Variants in GLT8D2 observed in about 807,000 individuals in gnomAD.
GLT8D2 encodes the protein glycosyltransferase 8 domain containing 2, also known as glycosyltransferase 8 domain-containing protein 2.
Under a neutral mutation model 44.5 loss-of-function variants are expected in GLT8D2, and 45 were observed. That is an observed-to-expected ratio of 1.01 (90% confidence interval 0.80 to 1.30). The LOEUF (loss-of-function observed/expected upper bound fraction) is 1.30. Among genes scored for constraint, GLT8D2 ranks in the 50% most tolerant of loss-of-function variants. The probability of loss-of-function intolerance (pLI) is 0.00; values close to 1 mark genes in which losing one functional copy is unlikely to be tolerated. For missense variants in GLT8D2, 400 were observed against 430.4 expected (o/e 0.93, Z 0.62); for synonymous variants, 156 against 157.2 (o/e 0.99, Z 0.06).
At chr12:103,992,094 T>G (rs1358614825) in intron 10 of GLT8D2, among the ~76,000 whole-genome samples, 1 of 152,220 alleles carries the variant, frequency 6.6e-6, no homozygotes, top group African/African-American at 2.4e-5. Flanking sequence ...CCAAACCCTT[T>G]CTAAACTTCC....
intron 4 of GLT8D2, among the ~76,000 whole-genome samples, chr12:104,009,179 C>T (rs907730534): frequency 2.6e-5 from 4 of 152,218 alleles, no homozygotes; most frequent in Non-Finnish European, 4.4e-5. Flanking sequence ...AAGCTACAGA[C>T]ACTCAATGCC....
intron 1 of GLT8D2, among the ~76,000 whole-genome samples, chr12:104,024,388 G>A (rs902079481): frequency 3.9e-5 from 6 of 152,032 alleles, no homozygotes; most frequent in East Asian, 3.9e-4. Flanking sequence ...AGCCATGGTC[G>A]CACCACTGCA....
At chr12:104,061,057 A>G (rs1882604784) in intron 1 of GLT8D2, among the ~76,000 whole-genome samples, 1 of 152,246 alleles carries the variant, frequency 6.6e-6, no homozygotes. Context: ...CAGAAGCTAG[A>G]AAGAGGCATG....
intron 5 of GLT8D2, among the ~76,000 whole-genome samples, chr12:104,000,479 C>T (rs1043308058): frequency 6.6e-6 from 1 of 152,050 alleles, no homozygotes; most frequent in Non-Finnish European, 1.5e-5. Flanking sequence ...TTGTGATGAT[C>T]CAGTAAACTG....
chr12:104,013,521 A>G (rs943425814), intron 4 of GLT8D2, among the ~76,000 whole-genome samples: 1 of 152,150 alleles, frequency 6.6e-6, no homozygotes, highest in Non-Finnish European at 1.5e-5. Context: ...ATTTGTATAT[A>G]TGTCTTTGTA....
At chr12:104,051,138 A>G (rs1488434660), upstream of GLT8D2, among the ~76,000 whole-genome samples, 1 of 151,316 alleles carries the variant, frequency 6.6e-6, no homozygotes, top group Non-Finnish European at 1.5e-5. Flanking sequence ...TTTTTTTTAA[A>G]GAGACAGGGT....
chr12:104,013,496 T>C (rs2136336605), intron 4 of GLT8D2, among the ~76,000 whole-genome samples: 1 of 152,340 alleles, frequency 6.6e-6, no homozygotes, highest in Non-Finnish European at 1.5e-5. Flanking sequence ...CTACTATGAA[T>C]TATACCCTAA....
At chr12:104,018,548 A>T (rs1183846024) in intron 3 of GLT8D2, among the ~76,000 whole-genome samples, 1 of 152,146 alleles carries the variant, frequency 6.6e-6, no homozygotes, top group Non-Finnish European at 1.5e-5. Context: ...AATGGACAAA[A>T]TTCTACAGTT....
chr12:104,025,316 C>T (rs1878444308), intron 1 of GLT8D2, among the ~76,000 whole-genome samples: 1 of 151,952 alleles, frequency 6.6e-6, no homozygotes, highest in Admixed American at 6.6e-5. Flanking sequence ...TCAAACGATT[C>T]TCCTACCTCA....
intron 1 of GLT8D2, among the ~76,000 whole-genome samples, chr12:104,036,158 G>A (rs893149068): frequency 2.0e-5 from 3 of 152,126 alleles, no homozygotes; most frequent in Non-Finnish European, 4.4e-5. Flanking sequence ...CTCCTGAAGG[G>A]AGCACTAAAC....
intron 4 of GLT8D2, 33 bp from the exon 5 acceptor site, chr12:104,003,339 G>C: frequency 4.4e-6 from 7 of 1,603,806 alleles, no homozygotes; most frequent in Non-Finnish European, 6.0e-6. Flanking sequence ...CTTGGAACAT[G>C]AAAGAATTTC....
chr12:104,053,102 T>C (rs912273574), upstream of GLT8D2, among the ~76,000 whole-genome samples: 6 of 152,202 alleles, frequency 3.9e-5, no homozygotes, highest in African/African-American at 9.6e-5. Context: ...TGCTGTTAAC[T>C]TGCAGCAGGC....
intron 4 of GLT8D2, among the ~76,000 whole-genome samples, chr12:104,008,824 T>C (rs941461000): frequency 6.6e-6 from 1 of 152,252 alleles, no homozygotes; most frequent in Non-Finnish European, 1.5e-5. Flanking sequence ...GGGGCCAACA[T>C]AGGGCTTGCG....
At chr12:104,007,047 G>A (rs1002810764) in intron 4 of GLT8D2, among the ~76,000 whole-genome samples, 1 of 152,162 alleles carries the variant, frequency 6.6e-6, no homozygotes, top group Non-Finnish European at 1.5e-5. Flanking sequence ...GTAAATGAAA[G>A]AACATGACTA....
At chr12:104,015,574 T>C (rs749834746) in intron 3 of GLT8D2, among the ~76,000 whole-genome samples, 6 of 152,000 alleles carry the variant, frequency 3.9e-5, no homozygotes, top group Non-Finnish European at 8.8e-5. Context: ...CCAGACCCTG[T>C]CTCAAATACA....
At position 104,016,358 on chromosome 12, in the gene GLT8D2, C is replaced by T. The variant is rs529681510; in HGVS notation, c.20-1253G>A. ...CCTTGGTCAAGGATGATGTGCAGGC[C>T]GGGTGTGGTGGCTCACACCTGTAAT... is the stretch of plus-strand genomic sequence containing the variant. On this transcript the variant is annotated intron_variant, in intron 3 of 10. Coordinates refer to ENST00000360814, the MANE Select transcript of GLT8D2 (RefSeq NM_001384711.1). 9.2e-5 allele frequency among the ~76,000 whole-genome samples: 14 copies of T among 152,022 alleles called. No individual in the cohort carries two copies. The East Asian group carries it at 9.7e-4, about 11-fold the overall frequency.
chr12:104,040,500 A>G (rs1593567456), intron 1 of GLT8D2, among the ~76,000 whole-genome samples: 1 of 152,060 alleles, frequency 6.6e-6, no homozygotes, highest in Non-Finnish European at 1.5e-5. Context: ...ATCTTGGCTC[A>G]CTGTAACCTC....
At chr12:104,040,351 A>G (rs992017738) in intron 1 of GLT8D2, among the ~76,000 whole-genome samples, 5 of 152,160 alleles carry the variant, frequency 3.3e-5, no homozygotes, top group Non-Finnish European at 5.9e-5. Context: ...AGTATCTGCA[A>G]TTCACTCACT....
At chr12:104,034,034 G>A (rs1472743470) in intron 1 of GLT8D2, among the ~76,000 whole-genome samples, 1 of 151,838 alleles carries the variant, frequency 6.6e-6, no homozygotes, top group Non-Finnish European at 1.5e-5. Context: ...GCTGAAGAAA[G>A]CAAACAAAAA....
Sources: allele counts gnomAD v4.1 joint callset (sites outside exome capture counted in the v4.1 genomes callset), GRCh38; gene constraint gnomAD v4.1.1; transcripts MANE v1.5; gene names NCBI Gene and HGNC (gene_info 2026-07-23, HGNC 2026-07-21).